RNF121: variants seen among roughly 807,000 people sequenced by gnomAD.
RNF121 encodes ring finger protein 121.
RNF121 carries 21 observed loss-of-function variants against 46.5 expected under a neutral mutation model. The observed-to-expected ratio is 0.45, with a 90% CI of 0.32 to 0.65. The LOEUF (loss-of-function observed/expected upper bound fraction) is 0.65, where lower values mean the gene tolerates loss of function less well. RNF121 is among the 30% of genes least tolerant of loss of function. The probability of loss-of-function intolerance (pLI) is 0.04; values close to 1 mark genes in which losing one functional copy is unlikely to be tolerated. For missense variants in RNF121, 346 were observed against 416.0 expected (o/e 0.83, Z 1.46); for synonymous variants, 139 against 144.7 (o/e 0.96, Z 0.28).
intron 1 of RNF121, among the ~76,000 whole-genome samples, chr11:71,941,552 A>T (rs1394091284): frequency 6.6e-6 from 1 of 152,234 alleles, no homozygotes; most frequent in African/African-American, 2.4e-5. Context: ...AATAAACAGG[A>T]TAACTCCAGA....
chr11:71,967,608 G>A (rs1045395234), intron 3 of RNF121, among the ~76,000 whole-genome samples: 1 of 151,808 alleles, frequency 6.6e-6, no homozygotes, highest in African/African-American at 2.4e-5. Context: ...TGTATTTTTA[G>A]TACGTGGTTT....
rs1346461270 is a variant in RNF121 at position 71,929,115 on chromosome 11, G to T, written c.54G>T (p.Glu18Asp). The T allele has an allele frequency of 1.3e-6, 2 of 1,551,724 alleles. No individual in the cohort carries two copies. Among genetic ancestry groups the T allele is most frequent in the Non-Finnish European group, 8.7e-7 (1 of 1,147,062 alleles). ...GAGGTGGTGCTGCTGGGGAACGGGAGCTGGATGAGGTAAGCGGAGTTGAGA... is the reference window on the plus strand; with the variant it reads ...GAGGTGGTGCTGCTGGGGAACGGGATCTGGATGAGGTAAGCGGAGTTGAGA... ...EVGGGAAGERELDEVDMSDLS... is the reference protein window; with the variant it reads ...EVGGGAAGERDLDEVDMSDLS... Residue 18 changes from glutamate (E) to aspartate (D), a missense_variant, in exon 1 of 9, where the codon GAG becomes GAT. Physicochemically the swap from Glu to Asp is conservative, Grantham distance 45. Around this residue, in one of 2 missense-constraint regions of RNF121, gnomAD observed 60 missense variants for 32.2 expected, o/e 1.86. Coordinates refer to ENST00000361756, the MANE Select transcript of RNF121 (RefSeq NM_018320.5).
chr11:71,929,086 G>A lies in RNF121; in HGVS notation c.25G>A (p.Val9Ile). MAAVVEVE[V>I]GGGAAGEREL... ...GATGGCGGCAGTGGTGGAGGTGGAGGTTGGAGGTGGTGCTGCTGGGGAACG... is the reference window on the plus strand; with the variant it reads ...GATGGCGGCAGTGGTGGAGGTGGAGATTGGAGGTGGTGCTGCTGGGGAACG... The change falls in exon 1 of 9, where the codon GTT becomes ATT. Residue 9 changes from valine (V) to isoleucine (I), a missense_variant. Transcript: ENST00000361756. 1 of 1,551,692 alleles carries A rather than the reference G, an allele frequency of 6.4e-7. No homozygotes were observed.
At chr11:71,988,209 A>T (rs560586062) in intron 5 of RNF121, among the ~76,000 whole-genome samples, 52 of 152,276 alleles carry the variant, frequency 3.4e-4, no homozygotes, top group Non-Finnish European at 7.1e-4. Context: ...AAAGATCTTT[A>T]TTAGCTTACA....
rs371140470 is a variant in RNF121 at position 71,987,735 on chromosome 11, G to A, written c.506+624G>A. Reference sequence around the variant, plus strand: ...GAAAAGTTTGCTGACTCTTGGGCTAGACCGTCTACCTACATGACCGTGGTT... The same window carrying A: ...GAAAAGTTTGCTGACTCTTGGGCTAAACCGTCTACCTACATGACCGTGGTT... On this transcript the variant is annotated intron_variant, in intron 5 of 8. Transcript: ENST00000361756. 2.6e-5 allele frequency among the ~76,000 whole-genome samples: 4 copies of A among 152,316 alleles called. No individual in the cohort carries two copies. The East Asian group carries it at 5.8e-4, about 22-fold the overall frequency.
At position 71,996,409 on chromosome 11, in the gene RNF121, C is replaced by T; in HGVS notation, c.*94C>T. Reference sequence around the variant, plus strand: ...ACAAAGACCTCCTGGGTGGGAAAGACTCAAAGGGGTGCTTGGGCCACTCAG... The same window carrying T: ...ACAAAGACCTCCTGGGTGGGAAAGATTCAAAGGGGTGCTTGGGCCACTCAG... On this transcript the variant is annotated 3_prime_UTR_variant, in exon 9 of 9. Coordinates refer to ENST00000361756, the MANE Select transcript of RNF121 (RefSeq NM_018320.5). The T allele has an allele frequency of 6.7e-7, 1 of 1,486,994 alleles. No homozygotes were observed. The highest frequency in any genetic ancestry group is 9.1e-7 in the Non-Finnish European group (1 of 1,099,230). 92.1% of individuals were successfully genotyped at this position (1,486,994 alleles called of 1,614,324 possible).
At chr11:71,936,118 A>T (rs564528121) in intron 1 of RNF121, among the ~76,000 whole-genome samples, 7 of 152,112 alleles carry the variant, frequency 4.6e-5, no homozygotes, top group African/African-American at 1.7e-4. Context: ...GAGTGCTGGG[A>T]TTATAGGCGT....
intron 1 of RNF121, among the ~76,000 whole-genome samples, chr11:71,956,315 T>C (rs1187924494): frequency 1.3e-5 from 2 of 152,168 alleles, no homozygotes; most frequent in African/African-American, 4.8e-5. Context: ...GTACTGAGAC[T>C]TGGGTATGCT....
At chr11:71,953,641 ATGTT>A (rs1953931016) in intron 1 of RNF121, among the ~76,000 whole-genome samples, 1 of 152,122 alleles carries the variant, frequency 6.6e-6, no homozygotes. Context: ...GCAGTAGAGG[ATGTT>A]TGTTCTTCAA....
At chr11:71,974,188 T>TG (rs1159358012) in intron 3 of RNF121, among the ~76,000 whole-genome samples, 6 of 152,076 alleles carry the variant, frequency 3.9e-5, no homozygotes, top group Non-Finnish European at 8.8e-5. Context: ...TGATCCACCC[T>TG]CCTCGGCCTC....
chr11:71,959,971 T>C (rs1954091850), intron 2 of RNF121, among the ~76,000 whole-genome samples: 1 of 152,214 alleles, frequency 6.6e-6, no homozygotes, highest in Non-Finnish European at 1.5e-5. Context: ...TTTGGATGAC[T>C]GTGACCCAGA....
At chr11:71,942,381 G>A (rs2134154315) in intron 1 of RNF121, among the ~76,000 whole-genome samples, 1 of 152,260 alleles carries the variant, frequency 6.6e-6, no homozygotes, top group Non-Finnish European at 1.5e-5. Flanking sequence ...GTCCATATGG[G>A]AGATGATAGT....
chr11:71,942,772 G>GTATATATATATATATA (rs1201537010), intron 1 of RNF121, among the ~76,000 whole-genome samples: 5 of 18,968 alleles, frequency 2.6e-4, no homozygotes, highest in South Asian at 2.4e-3. Context: ...CTATATATCT[G>GTATATATATATATATA]TATATATATA....
intron 1 of RNF121, among the ~76,000 whole-genome samples, chr11:71,951,165 G>A (rs1226916510): frequency 4.7e-5 from 7 of 149,998 alleles, no homozygotes; most frequent in East Asian, 2.0e-4. Context: ...CAGAGGTTGC[G>A]GTAAGCCGAG....
At chr11:71,976,679 T>TAA (rs1455627814) in intron 3 of RNF121, among the ~76,000 whole-genome samples, 1 of 152,140 alleles carries the variant, frequency 6.6e-6, no homozygotes, top group Non-Finnish European at 1.5e-5. Flanking sequence ...TATTCTTAGT[T>TAA]AAGCAGGGTT....
intron 5 of RNF121, among the ~76,000 whole-genome samples, chr11:71,988,649 AAAAAAAG>A (rs1954811727): frequency 6.7e-6 from 1 of 150,216 alleles, no homozygotes; most frequent in Non-Finnish European, 1.5e-5. Context: ...TTAAAAAAAA[AAAAAAAG>A]AAAGAAAGAA....
At chr11:71,995,093 G>A (rs1349492771) in intron 7 of RNF121, among the ~76,000 whole-genome samples, 2 of 152,224 alleles carry the variant, frequency 1.3e-5, no homozygotes, top group Admixed American at 6.5e-5. Flanking sequence ...GGCTGTGCTA[G>A]CAGACCTGAG....
At chr11:71,995,163 C>T in intron 7 of RNF121, 1 of 566,024 alleles carries the variant, frequency 1.8e-6, no homozygotes. Context: ...TAGCATCATC[C>T]TCTGTTCTGA....
chr11:71,951,994 CAT>C (rs1953891682), intron 1 of RNF121, among the ~76,000 whole-genome samples: 1 of 152,158 alleles, frequency 6.6e-6, no homozygotes, highest in Non-Finnish European at 1.5e-5. Flanking sequence ...GAAATGAAAA[CAT>C]ATATTCACAC....
Sources: gnomAD v4.1 joint callset for allele counts (sites outside exome capture counted in the v4.1 genomes callset) on GRCh38, gnomAD v4.1.1 for gene constraint, gnomAD v4.1.1 regional missense constraint, MANE v1.5 for transcripts, NCBI Gene and HGNC (gene_info 2026-07-23, HGNC 2026-07-21) for gene names.